Variants in PTPRD observed in about 807,000 individuals in gnomAD.
PTPRD encodes the protein receptor-type tyrosine-protein phosphatase delta.
In PTPRD, 34 loss-of-function variants were observed where a neutral mutation model predicts 214.5. The observed-to-expected ratio is 0.16, with a 90% CI of 0.12 to 0.21. PTPRD has a LOEUF of 0.21. Among genes scored for constraint, PTPRD ranks in the 10% least tolerant of loss-of-function variants. PTPRD has a pLI of 1.00. For missense variants in PTPRD, 2,545 were observed against 2,398.7 expected (o/e 1.06, Z -1.27); for synonymous variants, 1,128 against 845.7 (o/e 1.33, Z -5.79).
At chr9:9,797,740 G>C (rs967679882) in intron 5 of PTPRD, among the ~76,000 whole-genome samples, 3 of 151,938 alleles carry the variant, frequency 2.0e-5, no homozygotes, top group Admixed American at 1.3e-4. Flanking sequence ...CAGCTACTCG[G>C]GGGGGGCTGA....
At chr9:9,009,347 G>A (rs1397794558) in intron 11 of PTPRD, among the ~76,000 whole-genome samples, 1 of 152,060 alleles carries the variant, frequency 6.6e-6, no homozygotes, top group Non-Finnish European at 1.5e-5. Context: ...ATATTGGGTT[G>A]CAGAGCTTTC....
chr9:8,957,851 G>C (rs776908989), intron 11 of PTPRD, among the ~76,000 whole-genome samples: 1 of 151,698 alleles, frequency 6.6e-6, no homozygotes, highest in South Asian at 2.1e-4. Context: ...TTATATTTAT[G>C]AGGACATATG....
At chr9:9,243,820 T>C (rs527566371) in intron 9 of PTPRD, among the ~76,000 whole-genome samples, 2 of 152,200 alleles carry the variant, frequency 1.3e-5, no homozygotes, top group African/African-American at 2.4e-5. Flanking sequence ...AAGTAAAGGG[T>C]ATTCAATTAG....
intron 10 of PTPRD, among the ~76,000 whole-genome samples, chr9:9,082,348 C>G (rs1340762807): frequency 1.3e-5 from 2 of 152,042 alleles, no homozygotes; most frequent in East Asian, 3.9e-4. Context: ...GAACCAATGA[C>G]AAAAATCACG....
chr9:9,086,828 T>G (rs2099767744), intron 10 of PTPRD, among the ~76,000 whole-genome samples: 2 of 152,076 alleles, frequency 1.3e-5, no homozygotes, highest in South Asian at 4.1e-4. Flanking sequence ...TTCTGGGGAA[T>G]TGGGCCAGTG....
intron 10 of PTPRD, among the ~76,000 whole-genome samples, chr9:9,168,732 A>G (rs1312689237): frequency 6.6e-6 from 1 of 152,112 alleles, no homozygotes; most frequent in Non-Finnish European, 1.5e-5. Context: ...AAGCCAACAG[A>G]CAAAAATAAT....
At chr9:9,164,165 A>C (rs1484880791) in intron 10 of PTPRD, among the ~76,000 whole-genome samples, 4 of 152,184 alleles carry the variant, frequency 2.6e-5, no homozygotes, top group Non-Finnish European at 5.9e-5. Flanking sequence ...CAAAAGTCTA[A>C]AATAGGCTAG....
At chr9:8,544,740 G>A (rs902457075) in intron 14 of PTPRD, among the ~76,000 whole-genome samples, 1 of 151,436 alleles carries the variant, frequency 6.6e-6, no homozygotes, top group Non-Finnish European at 1.5e-5. Context: ...CAAAGTGCTG[G>A]GATTACAGGC....
At chr9:8,628,934 A>G (rs2096148061) in intron 14 of PTPRD, among the ~76,000 whole-genome samples, 1 of 151,796 alleles carries the variant, frequency 6.6e-6, no homozygotes, top group Non-Finnish European at 1.5e-5. Context: ...TTCCCTATAA[A>G]TAGATAAGAG....
chr9:8,353,005 G>C (rs2075937457), intron 39 of PTPRD, among the ~76,000 whole-genome samples: 3 of 152,080 alleles, frequency 2.0e-5, no homozygotes, highest in African/African-American at 7.2e-5. Context: ...CAGCTACTAG[G>C]GAGGCTGAGA....
chr9:8,673,414 A>G (rs918618839), intron 12 of PTPRD, among the ~76,000 whole-genome samples: 1 of 152,140 alleles, frequency 6.6e-6, no homozygotes, highest in African/African-American at 2.4e-5. Context: ...TGCACTTAAC[A>G]CATTTTTCAT....
intron 43 of PTPRD, among the ~76,000 whole-genome samples, chr9:8,337,271 G>A (rs1425593332): frequency 6.6e-6 from 1 of 151,628 alleles, no homozygotes; most frequent in African/African-American, 2.4e-5. Context: ...TGGTGAGTGA[G>A]TATTCCATAA....
chr9:9,164,501 G>C (rs761845450), intron 10 of PTPRD, among the ~76,000 whole-genome samples: 6 of 152,122 alleles, frequency 3.9e-5, no homozygotes, highest in African/African-American at 1.2e-4. Flanking sequence ...CTAACATATT[G>C]ACAGGTTTCA....
At chr9:8,713,380 A>G (rs2098386707) in intron 12 of PTPRD, 4 of 1,074,752 alleles carry the variant, frequency 3.7e-6, no homozygotes, top group Non-Finnish European at 5.7e-6. Context: ...CAAATGCCAC[A>G]CACCGCCCCT....
chr9:8,744,812 T>A (rs1208396278), intron 11 of PTPRD, among the ~76,000 whole-genome samples: 1 of 152,170 alleles, frequency 6.6e-6, no homozygotes, highest in African/African-American at 2.4e-5. Context: ...AAAATAAATT[T>A]TAAAGGCAGA....
At chr9:8,749,696 CACAA>C (rs1302953691) in intron 11 of PTPRD, among the ~76,000 whole-genome samples, 1 of 152,270 alleles carries the variant, frequency 6.6e-6, no homozygotes, top group South Asian at 2.1e-4. Flanking sequence ...TAACTTTACA[CACAA>C]ACAGTGTTTG....
At chr9:9,695,963 T>C (rs116231055) in intron 7 of PTPRD, among the ~76,000 whole-genome samples, 140 of 152,246 alleles carry the variant, frequency 9.2e-4, no homozygotes, top group African/African-American at 2.9e-3. Flanking sequence ...TTAGTTTGAA[T>C]ACAATTGGTG....
At chr9:8,619,406 C>A (rs1294371126) in intron 14 of PTPRD, among the ~76,000 whole-genome samples, 1 of 151,640 alleles carries the variant, frequency 6.6e-6, no homozygotes, top group East Asian at 2.0e-4. Context: ...CTACTGATAT[C>A]AATTTTTTTA....
At chr9:9,144,985 C>A (rs906680116) in intron 10 of PTPRD, among the ~76,000 whole-genome samples, 3 of 152,120 alleles carry the variant, frequency 2.0e-5, no homozygotes, top group African/African-American at 7.2e-5. Context: ...AGTTATTAAG[C>A]AACTTTTAAA....
Sources: gnomAD v4.1 joint callset for allele counts (sites outside exome capture counted in the v4.1 genomes callset) on GRCh38, gnomAD v4.1.1 for gene constraint, MANE v1.5 for transcripts, NCBI Gene and HGNC (gene_info 2026-07-23, HGNC 2026-07-21) for gene names.